The following IGF2BP2 variants were observed in gnomAD, a reference collection of about 807,000 sequenced individuals.
IGF2BP2 encodes the protein insulin-like growth factor 2 mRNA-binding protein 2.
A neutral mutation model predicts 75.8 loss-of-function variants in IGF2BP2; 17 were observed. The ratio of observed to expected loss-of-function variants is 0.22; its 90% CI spans 0.15 to 0.34. The LOEUF (loss-of-function observed/expected upper bound fraction) is 0.34, where lower values mean the gene tolerates loss of function less well. IGF2BP2 is among the 10% of genes least tolerant of loss of function. The pLI, the probability that IGF2BP2 is intolerant of heterozygous loss-of-function variation, is 1.00. For missense variants in IGF2BP2, 516 were observed against 772.4 expected (o/e 0.67, Z 3.93); for synonymous variants, 288 against 295.6 (o/e 0.97, Z 0.26).
intron 2 of IGF2BP2, among the ~76,000 whole-genome samples, chr3:185,815,144 A>G (rs772047309): frequency 1.3e-5 from 2 of 152,124 alleles, no homozygotes; most frequent in African/African-American, 2.4e-5. Context: ...AACCACAATG[A>G]TTTTTAAAAA....
chr3:185,744,589 C>A (rs1020858385), intron 2 of IGF2BP2, among the ~76,000 whole-genome samples: 1 of 152,318 alleles, frequency 6.6e-6, no homozygotes, highest in South Asian at 2.1e-4. Context: ...GGGTGGATCA[C>A]TTGAGGCCAG....
At chr3:185,775,245 A>G (rs935008432) in intron 2 of IGF2BP2, among the ~76,000 whole-genome samples, 1 of 152,252 alleles carries the variant, frequency 6.6e-6, no homozygotes, top group Non-Finnish European at 1.5e-5. Flanking sequence ...GATGGCAGTA[A>G]TAACTGTTGA....
chr3:185,647,079 T>G lies in IGF2BP2; in HGVS notation c.1653A>C (p.Pro551=). The change falls in exon 15 of 16, where the codon CCA becomes CCC. Residue 551 remains proline (P), a synonymous_variant. Coordinates refer to ENST00000382199, the MANE Select transcript of IGF2BP2 (RefSeq NM_006548.6). The surrounding 1 kb of genome is among the most constrained non-coding windows in gnomAD (Gnocchi z 4.9). The part of the protein sequence containing the change: ...AEVIVPRDQT[P]DENEEVIVRI... ...TGACGATCACTTCCTCATTTTCATCTGGCGTTTGGTCACGAGGCACGATGA... is the reference window on the plus strand; with the variant it reads ...TGACGATCACTTCCTCATTTTCATCGGGCGTTTGGTCACGAGGCACGATGA... 6.2e-7 allele frequency: 1 copy of G among 1,614,192 alleles called. No homozygotes were observed. The highest frequency in any genetic ancestry group is 1.6e-4 in the Middle Eastern group (1 of 6,062).
intron 2 of IGF2BP2, among the ~76,000 whole-genome samples, chr3:185,784,380 AG>A (rs1413075482): frequency 6.6e-6 from 1 of 152,144 alleles, no homozygotes; most frequent in Non-Finnish European, 1.5e-5. Context: ...GAGATATTTG[AG>A]GAACACTGAC....
intron 2 of IGF2BP2, among the ~76,000 whole-genome samples, chr3:185,745,382 T>C (rs946726342): frequency 6.6e-6 from 1 of 152,140 alleles, no homozygotes; most frequent in African/African-American, 2.4e-5. Flanking sequence ...GAGAATAAAC[T>C]TTTCAAAAGT....
intron 2 of IGF2BP2, among the ~76,000 whole-genome samples, chr3:185,796,424 A>G (rs966784735): frequency 6.6e-6 from 1 of 151,980 alleles, no homozygotes; most frequent in Non-Finnish European, 1.5e-5. Flanking sequence ...TTAGCTGGTC[A>G]TGGTGGCATA....
At chr3:185,766,509 CAT>C (rs1358710686) in intron 2 of IGF2BP2, among the ~76,000 whole-genome samples, 2 of 152,050 alleles carry the variant, frequency 1.3e-5, no homozygotes, top group African/African-American at 4.8e-5. Context: ...TCTCAGTGTC[CAT>C]AAATAAAGTT....
In IGF2BP2 at chr3:185,647,095, G is replaced by A; in HGVS notation, c.1637C>T (p.Pro546Leu). Residue 546 changes from proline (P) to leucine (L), a missense_variant, in exon 15 of 16, where the codon CCT becomes CTT. Around this residue, in one of 3 missense-constraint regions of IGF2BP2, gnomAD observed 129 missense variants for 230.5 expected, o/e 0.56. Coordinates refer to ENST00000382199, the MANE Select transcript of IGF2BP2 (RefSeq NM_006548.6). This position sits in a 1 kb window ranked among gnomAD's most constrained non-coding sequence, Gnocchi z 4.9. ...ATTTTCATCTGGCGTTTGGTCACGA[G>A]GCACGATGACTTCTGCACTGGTTAA... ...QNLTSAEVIV[P>L]RDQTPDENEE... 6.2e-7 allele frequency: 1 copy of A among 1,614,190 alleles called. No individual in the cohort carries two copies. Among genetic ancestry groups the A allele is most frequent in the Non-Finnish European group, 8.5e-7 (1 of 1,180,026 alleles).
In IGF2BP2 at chr3:185,705,877, C is replaced by CTT. The variant is rs1241372902; in HGVS notation, c.240-7531_240-7530insAA. Among the ~76,000 whole-genome samples, 6 of 152,318 alleles carry CTT rather than the reference C, an allele frequency of 3.9e-5. No homozygotes were observed. The East Asian group carries it at 1.2e-3, about 29-fold the overall frequency. On this transcript the variant is annotated intron_variant, in intron 2 of 15. Transcript: ENST00000382199. ...ACTCTCCAAGGCCCCTAAATATCAC[C>CTT]ACCTTGGGGGTAAGGATTTCAACAT...
At chr3:185,789,957 C>T (rs1042742351) in intron 2 of IGF2BP2, among the ~76,000 whole-genome samples, 1 of 152,146 alleles carries the variant, frequency 6.6e-6, no homozygotes, top group African/African-American at 2.4e-5. Flanking sequence ...CAGTCTTGAA[C>T]TCCTGAACTC....
At chr3:185,691,618 GT>G (rs1226539377) in intron 5 of IGF2BP2, among the ~76,000 whole-genome samples, 3 of 152,032 alleles carry the variant, frequency 2.0e-5, no homozygotes, top group Non-Finnish European at 4.4e-5. Flanking sequence ...ACTTGTTTTT[GT>G]TGTTCTTTTA....
intron 3 of IGF2BP2, among the ~76,000 whole-genome samples, chr3:185,697,959 G>A (rs2149357443): frequency 6.6e-6 from 1 of 152,236 alleles, no homozygotes; most frequent in African/African-American, 2.4e-5. Context: ...ACTCCAGCCT[G>A]GGTGACAAAG....
intron 4 of IGF2BP2, among the ~76,000 whole-genome samples, chr3:185,693,393 A>G (rs1178785943): frequency 6.6e-6 from 1 of 152,236 alleles, no homozygotes; most frequent in Non-Finnish European, 1.5e-5. Flanking sequence ...ATATACATAT[A>G]AAACAATAAG....
intron 7 of IGF2BP2, among the ~76,000 whole-genome samples, chr3:185,679,539 G>A (rs1560280637): frequency 6.6e-6 from 1 of 151,948 alleles, no homozygotes; most frequent in Non-Finnish European, 1.5e-5. Flanking sequence ...ACCCTTACCA[G>A]ATAACTATAT....
At chr3:185,718,385 C>T (rs564411133) in intron 2 of IGF2BP2, among the ~76,000 whole-genome samples, 16 of 152,248 alleles carry the variant, frequency 1.1e-4, no homozygotes, top group East Asian at 9.6e-4. Context: ...AAAGCAGTAA[C>T]TCTATCAGAA....
chr3:185,643,896 CA>C lies in IGF2BP2; in HGVS notation c.*1634del, dbSNP rs1713074529. ...ACCAGTACATGTTCATCCTTTAGCGCAAAAAGCCCTAATGGCGCGTACCCTA... is the reference window on the plus strand; with the variant it reads ...ACCAGTACATGTTCATCCTTTAGCGCAAAAGCCCTAATGGCGCGTACCCTA... On this transcript the variant is annotated 3_prime_UTR_variant, in exon 16 of 16. Coordinates refer to ENST00000382199, the MANE Select transcript of IGF2BP2 (RefSeq NM_006548.6). The C allele has an allele frequency of 6.7e-6, 1 of 149,634 alleles. No homozygotes were observed. The highest frequency in any genetic ancestry group is 1.5e-5 in the Non-Finnish European group (1 of 67,736). The allele number at this position is 149,634 out of a possible 1,614,324, so 9.3% of individuals were successfully genotyped here.
chr3:185,716,590 G>A (rs865903083), intron 2 of IGF2BP2: 1 of 520,090 alleles, frequency 1.9e-6, no homozygotes, highest in Non-Finnish European at 3.8e-6. Context: ...CCTCAGTAAG[G>A]AATTTACCTC....
At chr3:185,672,173 T>A (rs1433680800) in intron 10 of IGF2BP2, among the ~76,000 whole-genome samples, 1 of 152,230 alleles carries the variant, frequency 6.6e-6, no homozygotes, top group African/African-American at 2.4e-5. Context: ...ATATCTCTCT[T>A]CAAGAATCAT....
intron 2 of IGF2BP2, among the ~76,000 whole-genome samples, chr3:185,818,954 T>A (rs1740969695): frequency 6.6e-6 from 1 of 152,162 alleles, no homozygotes; most frequent in African/African-American, 2.4e-5. Flanking sequence ...GAAATGATAA[T>A]TCTGATATGC....
Sources: allele counts gnomAD v4.1 joint callset (sites outside exome capture counted in the v4.1 genomes callset), GRCh38; gene constraint gnomAD v4.1.1; regional missense constraint gnomAD v4.1.1; non-coding constraint Gnocchi (gnomAD v3.1); transcripts MANE v1.5; gene names NCBI Gene and HGNC (gene_info 2026-07-23, HGNC 2026-07-21).